Variants in EPHB1 observed in about 807,000 individuals in gnomAD.
EPHB1 encodes the protein ephrin type-B receptor 1.
A neutral mutation model predicts 94.4 loss-of-function variants in EPHB1; 30 were observed. The ratio of observed to expected loss-of-function variants is 0.32; its 90% CI spans 0.24 to 0.43. EPHB1 has a LOEUF of 0.43. Ranked by LOEUF, EPHB1 falls within the 20% of genes least tolerant of loss-of-function variation. EPHB1 has a pLI of 1.00. For synonymous variants in EPHB1, 522 were observed against 489.1 expected, an observed-to-expected ratio of 1.07 and a Z score of -0.89; for missense variants, 1,055 against 1,308.3, an observed-to-expected ratio of 0.81 and a Z score of 2.99.
chr3:134,824,072 A>C (rs2036430089), intron 1 of EPHB1, among the ~76,000 whole-genome samples: 1 of 152,016 alleles, frequency 6.6e-6, no homozygotes. Context: ...ATAATCAAAA[A>C]CAAATACAAT....
chr3:134,871,736 C>A (rs1181641571), intron 1 of EPHB1, among the ~76,000 whole-genome samples: 4 of 152,150 alleles, frequency 2.6e-5, no homozygotes, highest in Non-Finnish European at 5.9e-5. Flanking sequence ...ACGTAGCACC[C>A]CTTTGTCCTT....
At chr3:135,010,851 C>T (rs1490618186) in intron 3 of EPHB1, among the ~76,000 whole-genome samples, 1 of 152,082 alleles carries the variant, frequency 6.6e-6, no homozygotes, top group East Asian at 1.9e-4. Context: ...AGTGAGCCAC[C>T]GTGCCCGGCC....
At chr3:134,868,934 G>T (rs976682259) in intron 1 of EPHB1, among the ~76,000 whole-genome samples, 1 of 152,240 alleles carries the variant, frequency 6.6e-6, no homozygotes. Context: ...GAGGTTCTAG[G>T]CCTGCAGGGC....
intron 3 of EPHB1, among the ~76,000 whole-genome samples, chr3:135,029,825 A>G (rs1435002772): frequency 1.3e-5 from 2 of 152,164 alleles, no homozygotes; most frequent in East Asian, 1.9e-4. Context: ...GTGTTTTCCA[A>G]CTTGGTTCCA....
intron 13 of EPHB1, among the ~76,000 whole-genome samples, chr3:135,245,221 C>T (rs751875092): frequency 7.2e-5 from 11 of 152,206 alleles, no homozygotes; most frequent in East Asian, 5.8e-4. Flanking sequence ...GTGCTCAACA[C>T]GCATCACTTC....
intron 12 of EPHB1, among the ~76,000 whole-genome samples, chr3:135,212,312 T>C (rs1238820018): frequency 6.6e-6 from 1 of 152,206 alleles, no homozygotes; most frequent in Non-Finnish European, 1.5e-5. Context: ...ATTAGCATCT[T>C]ATTTGTTTTT....
intron 3 of EPHB1, among the ~76,000 whole-genome samples, chr3:134,981,028 C>G (rs1156886619): frequency 6.6e-6 from 1 of 152,190 alleles, no homozygotes; most frequent in Non-Finnish European, 1.5e-5. Context: ...AAGCACAGGG[C>G]AAGCAGGGTA....
At chr3:134,864,359 C>T (rs974821893) in intron 1 of EPHB1, among the ~76,000 whole-genome samples, 3 of 152,128 alleles carry the variant, frequency 2.0e-5, no homozygotes, top group Admixed American at 2.0e-4. Context: ...TGTTTTCTTC[C>T]CTCAAGAGGC....
At chr3:134,874,755 C>T (rs1265015388) in intron 1 of EPHB1, among the ~76,000 whole-genome samples, 6 of 152,210 alleles carry the variant, frequency 3.9e-5, no homozygotes, top group Non-Finnish European at 5.9e-5. Context: ...AATGGGGAGA[C>T]ATGTGCCTCT....
chr3:135,027,112 G>T (rs1331594353), intron 3 of EPHB1, among the ~76,000 whole-genome samples: 1 of 148,554 alleles, frequency 6.7e-6, no homozygotes, highest in African/African-American at 2.5e-5. Context: ...AGGAGATTTT[G>T]GGCTGAGACA....
chr3:135,140,959 G>C (rs1940804447), intron 5 of EPHB1, among the ~76,000 whole-genome samples: 1 of 152,158 alleles, frequency 6.6e-6, no homozygotes, highest in Admixed American at 6.5e-5. Context: ...GGAGGAAAAA[G>C]GCACATTGAA....
intron 3 of EPHB1, among the ~76,000 whole-genome samples, chr3:134,971,618 G>A (rs757905160): frequency 5.3e-5 from 8 of 152,296 alleles, no homozygotes; most frequent in Non-Finnish European, 1.2e-4. Flanking sequence ...ATCTGCAGAG[G>A]TTGCTGGTCC....
intron 1 of EPHB1, among the ~76,000 whole-genome samples, chr3:134,833,769 C>A (rs2036621648): frequency 6.6e-6 from 1 of 152,080 alleles, no homozygotes; most frequent in African/African-American, 2.4e-5. Flanking sequence ...GGATAAAGGG[C>A]GTGCCTGGCA....
chr3:134,869,302 G>A (rs1467635166), intron 1 of EPHB1, among the ~76,000 whole-genome samples: 2 of 152,210 alleles, frequency 1.3e-5, no homozygotes, highest in Non-Finnish European at 2.9e-5. Flanking sequence ...CAGTGCCGTG[G>A]ATCTGGTTTC....
rs76641479 is a variant in EPHB1 at position 134,854,664 on chromosome 3, C to T, written c.58+58975C>T. On this transcript the variant is annotated intron_variant, in intron 1 of 15. Coordinates refer to ENST00000398015, the MANE Select transcript of EPHB1 (RefSeq NM_004441.5). ...ATCGCTTTGTATGTCCTGTGGACCC[C>T]GTGACCCGTGTAACTGATCAGGTTT... is the stretch of plus-strand genomic sequence containing the variant. 9.6e-3 allele frequency among the ~76,000 whole-genome samples: 1,460 copies of T among 152,134 alleles called. 26 individuals carry two copies. Among genetic ancestry groups the T allele is most frequent in the African/African-American group, 0.034 (1,407 of 41,500 alleles).
At chr3:134,805,299 G>A (rs2036020573) in intron 1 of EPHB1, among the ~76,000 whole-genome samples, 1 of 152,204 alleles carries the variant, frequency 6.6e-6, no homozygotes, top group Non-Finnish European at 1.5e-5. Flanking sequence ...ATGGTGGAAT[G>A]CAGGCTGTAA....
intron 3 of EPHB1, among the ~76,000 whole-genome samples, chr3:134,979,429 C>A (rs1207219542): frequency 6.6e-6 from 1 of 152,124 alleles, no homozygotes; most frequent in African/African-American, 2.4e-5. Flanking sequence ...AAAGTCACTC[C>A]ATTCTCCATA....
At chr3:134,850,006 C>T (rs1157446119) in intron 1 of EPHB1, among the ~76,000 whole-genome samples, 1 of 152,164 alleles carries the variant, frequency 6.6e-6, no homozygotes, top group East Asian at 1.9e-4. Flanking sequence ...GAGTCACCAG[C>T]AGCAGGTGGC....
intron 1 of EPHB1, among the ~76,000 whole-genome samples, chr3:134,814,332 G>C (rs1183547779): frequency 6.6e-6 from 1 of 152,184 alleles, no homozygotes; most frequent in Non-Finnish European, 1.5e-5. Context: ...AGGGGAGAGT[G>C]ATGAGGATGC....
Sources: allele counts gnomAD v4.1 joint callset (sites outside exome capture counted in the v4.1 genomes callset), GRCh38; gene constraint gnomAD v4.1.1; transcripts MANE v1.5; gene names NCBI Gene and HGNC (gene_info 2026-07-23, HGNC 2026-07-21).